Variants in VWA8 observed in about 807,000 individuals in gnomAD.
The protein encoded by VWA8 is von Willebrand factor A domain-containing protein 8.
Under a neutral mutation model 241.5 loss-of-function variants are expected in VWA8, and 221 were observed. That is an observed-to-expected ratio of 0.91 (90% CI 0.82 to 1.02). The LOEUF (loss-of-function observed/expected upper bound fraction) is 1.02, where lower values mean the gene tolerates loss of function less well. Among genes scored for constraint, VWA8 ranks in the 50% least tolerant of loss-of-function variants. VWA8 has a pLI of 0.00. For missense variants in VWA8, 2,322 were observed against 2,328.7 expected, an observed-to-expected ratio of 1.00 and a Z score of 0.06; for synonymous variants, 852 against 827.1, an observed-to-expected ratio of 1.03 and a Z score of -0.52.
chr13:41,940,066 C>T (rs1277694201), intron 2 of VWA8, among the ~76,000 whole-genome samples: 1 of 152,164 alleles, frequency 6.6e-6, no homozygotes, highest in Non-Finnish European at 1.5e-5. Context: ...TAGCTAGAGA[C>T]ATCGTAGCAG....
chr13:41,850,924 G>A (rs948409409), intron 12 of VWA8, among the ~76,000 whole-genome samples: 1 of 152,130 alleles, frequency 6.6e-6, no homozygotes, highest in Non-Finnish European at 1.5e-5. Flanking sequence ...GTGAGCTAAA[G>A]AGAACACAGG....
chr13:41,946,702 G>C (rs2138159269), intron 2 of VWA8, among the ~76,000 whole-genome samples: 1 of 151,844 alleles, frequency 6.6e-6, no homozygotes, highest in South Asian at 2.1e-4. Context: ...GAGTGGAAAG[G>C]ACAGATTGCA....
At chr13:41,740,184 G>A (rs1213617587) in intron 21 of VWA8, among the ~76,000 whole-genome samples, 1 of 152,058 alleles carries the variant, frequency 6.6e-6, no homozygotes, top group African/African-American at 2.4e-5. Context: ...CAGAGGAAAA[G>A]GAACAGATAC....
intron 26 of VWA8, among the ~76,000 whole-genome samples, chr13:41,718,258 G>A (rs1042829547): frequency 7.2e-5 from 11 of 151,920 alleles, no homozygotes; most frequent in East Asian, 5.8e-4. Context: ...TTACAAAAAC[G>A]AAGTAAATAA....
chr13:41,654,127 C>A (rs546068649), intron 37 of VWA8, among the ~76,000 whole-genome samples: 14 of 152,034 alleles, frequency 9.2e-5, no homozygotes, highest in Non-Finnish European at 1.3e-4. Context: ...TAATAAATGT[C>A]AAAGGAATAC....
chr13:41,695,799 T>C (rs893037089), intron 29 of VWA8, among the ~76,000 whole-genome samples: 1 of 152,174 alleles, frequency 6.6e-6, no homozygotes, highest in Non-Finnish European at 1.5e-5. Context: ...AGCTTCACAA[T>C]GAAAATCAGA....
At chr13:41,886,927 A>G in intron 6 of VWA8, 97 bp from the exon 7 acceptor site, 1 of 1,000,100 alleles carries the variant, frequency 1.0e-6, no homozygotes. Flanking sequence ...TTAATTAAGC[A>G]GACACTAAAT....
intron 19 of VWA8, among the ~76,000 whole-genome samples, chr13:41,778,943 G>A (rs1254285519): frequency 7.2e-6 from 1 of 138,886 alleles, no homozygotes; most frequent in Non-Finnish European, 1.5e-5. Context: ...CTGGGTTAAC[G>A]CCATTCTCTT....
chr13:41,957,442 T>A (rs1352305263), intron 1 of VWA8, among the ~76,000 whole-genome samples: 1 of 152,118 alleles, frequency 6.6e-6, no homozygotes, highest in Non-Finnish European at 1.5e-5. Context: ...GGCATGTCCT[T>A]ATAGCAGTGT....
At chr13:41,703,463 G>GA (rs774174277) in intron 26 of VWA8, 52 bp from the exon 27 acceptor site, 2 of 1,528,190 alleles carry the variant, frequency 1.3e-6, no homozygotes, top group African/African-American at 2.7e-5. Context: ...CCAAGTCATA[G>GA]AAAAAAATAA....
chr13:41,719,887 T>C (rs2045372010), intron 25 of VWA8, 145 bp from the exon 26 acceptor site: 4 of 759,890 alleles, frequency 5.3e-6, no homozygotes, highest in African/African-American at 1.8e-5. Flanking sequence ...AGTAGGAATG[T>C]AGACATTTTT....
chr13:41,901,570 TA>T (rs1875425435), intron 4 of VWA8, among the ~76,000 whole-genome samples: 1 of 152,088 alleles, frequency 6.6e-6, no homozygotes, highest in African/African-American at 2.4e-5. Context: ...GTCAAACAGT[TA>T]ACATTATACA....
intron 20 of VWA8, among the ~76,000 whole-genome samples, chr13:41,768,851 G>A (rs769642100): frequency 1.3e-4 from 19 of 151,480 alleles, no homozygotes; most frequent in Non-Finnish European, 2.5e-4. Context: ...TAAATTCAAT[G>A]ACCAGGCTTT....
Position 41,830,519 on chromosome 13 carries a change from C to G in VWA8, c.1700+10G>C, listed in dbSNP as rs1871400992. On this transcript the variant is annotated intron_variant, in intron 14 of 44. Transcript: ENST00000379310. Reference sequence around the variant, plus strand: ...TAAATTAGCAATGGGAGTAATGGACCCCAAATTACCTCTTCTGTAGCTGTT... The same window carrying G: ...TAAATTAGCAATGGGAGTAATGGACGCCAAATTACCTCTTCTGTAGCTGTT... The G allele has an allele frequency of 6.2e-7, 1 of 1,606,326 alleles. No individual in the cohort carries two copies. Among genetic ancestry groups the G allele is most frequent in the Admixed American group, 1.7e-5 (1 of 59,516 alleles).
intron 37 of VWA8, among the ~76,000 whole-genome samples, chr13:41,662,680 T>A (rs9525535): frequency 2.0e-5 from 3 of 152,068 alleles, no homozygotes; most frequent in Non-Finnish European, 4.4e-5. Context: ...TTTTCTTTTT[T>A]AAATTTTTTT....
chr13:41,944,259 C>T (rs1206560990), intron 2 of VWA8, among the ~76,000 whole-genome samples: 1 of 151,908 alleles, frequency 6.6e-6, no homozygotes, highest in Non-Finnish European at 1.5e-5. Context: ...TTCTTTAGAA[C>T]TCTGGAAATC....
chr13:41,737,558 C>T (rs538735939), intron 21 of VWA8, among the ~76,000 whole-genome samples: 22 of 152,260 alleles, frequency 1.4e-4, no homozygotes, highest in South Asian at 4.1e-4. Context: ...TGTTGCTATC[C>T]GATACAACAA....
intron 2 of VWA8, among the ~76,000 whole-genome samples, chr13:41,921,302 C>G (rs1325721594): frequency 6.6e-6 from 1 of 152,138 alleles, no homozygotes; most frequent in Admixed American, 6.5e-5. Flanking sequence ...ATAATAAGAG[C>G]TTTTTATGAC....
At chr13:41,740,748 C>T (rs2045563635) in intron 21 of VWA8, among the ~76,000 whole-genome samples, 1 of 152,162 alleles carries the variant, frequency 6.6e-6, no homozygotes, top group Admixed American at 6.5e-5. Flanking sequence ...AAAGTTCTCT[C>T]ATCTCCTGGG....
Sources: allele counts gnomAD v4.1 joint callset (sites outside exome capture counted in the v4.1 genomes callset), GRCh38; gene constraint gnomAD v4.1.1; transcripts MANE v1.5; gene names NCBI Gene and HGNC (gene_info 2026-07-23, HGNC 2026-07-21).